GPRIN3: variants seen among roughly 807,000 people sequenced by gnomAD.
GPRIN3 encodes the protein GPRIN family member 3.
A neutral mutation model predicts 13.7 loss-of-function variants in GPRIN3; 12 were observed. That is an observed-to-expected ratio of 0.87 (90% CI 0.56 to 1.42). GPRIN3 has a LOEUF of 1.42. Among genes scored for constraint, GPRIN3 ranks in the 40% most tolerant of loss-of-function variants. The probability of loss-of-function intolerance (pLI) is 0.00; values close to 1 mark genes in which losing one functional copy is unlikely to be tolerated. For missense variants in GPRIN3, 1,009 were observed against 958.7 expected, an observed-to-expected ratio of 1.05 and a Z score of -0.69; for synonymous variants, 377 against 372.7, an observed-to-expected ratio of 1.01 and a Z score of -0.13.
intron 1 of GPRIN3, among the ~76,000 whole-genome samples, chr4:89,283,536 G>A (rs1404994840): frequency 2.0e-5 from 3 of 152,296 alleles, no homozygotes; most frequent in East Asian, 1.9e-4. Flanking sequence ...TCACCTTCAG[G>A]AAGTTCATAT....
rs1722966490 is a variant in GPRIN3 at position 89,242,350 on chromosome 4, C to T, written c.*5430G>A. On this transcript the variant is annotated 3_prime_UTR_variant, in exon 2 of 2. Transcript: ENST00000609438. ...TTTCACAGCTAAAGCTGGTAATCCT[C>T]TGGGCAGAGTTAACTGAATTGCTTT... 6.6e-6 allele frequency: 1 copy of T among 152,162 alleles called. No individual in the cohort carries two copies. Among genetic ancestry groups the T allele is most frequent in the Non-Finnish European group, 1.5e-5 (1 of 68,010 alleles). The allele number at this position is 152,162 out of a possible 1,614,324, so 9.4% of individuals were successfully genotyped here.
At chr4:89,294,534 A>G (rs1724676773) in intron 1 of GPRIN3, among the ~76,000 whole-genome samples, 1 of 152,226 alleles carries the variant, frequency 6.6e-6, no homozygotes, top group Admixed American at 6.5e-5. Flanking sequence ...ATGGTCTTTA[A>G]AGGCAGGGAT....
At chr4:89,285,615 A>G (rs889774290) in intron 1 of GPRIN3, among the ~76,000 whole-genome samples, 3 of 152,210 alleles carry the variant, frequency 2.0e-5, no homozygotes, top group African/African-American at 7.2e-5. Flanking sequence ...CTCAGGCTGC[A>G]TCACAAATAT....
At position 89,248,940 on chromosome 4, in the gene GPRIN3, G is replaced by A; in HGVS notation, c.1171C>T (p.Gln391Ter). Residue 391 changes from glutamine (Q) to a stop codon, truncating the protein, a stop_gained, in exon 2 of 2, where the codon CAG (glutamine) becomes TAG (stop). Coordinates refer to ENST00000609438, the MANE Select transcript of GPRIN3 (RefSeq NM_198281.3). LOFTEE classifies it low-confidence loss of function (END_TRUNC). ...ESSQCPGIMPQVHIQAAAAES... is the reference protein window; with the variant it reads ...ESSQCPGIMP ...GCTGCAGCTGCCTGAATGTGCACCT[G>A]TGGCATGATGCCAGGGCACTGGCTG... 1 of 1,614,202 alleles carries A rather than the reference G, an allele frequency of 6.2e-7. No individual in the cohort carries two copies. Among genetic ancestry groups the A allele is most frequent in the Non-Finnish European group, 8.5e-7 (1 of 1,180,034 alleles).
At chr4:89,266,501 C>T (rs527829510) in intron 1 of GPRIN3, among the ~76,000 whole-genome samples, 27 of 152,288 alleles carry the variant, frequency 1.8e-4, no homozygotes, top group African/African-American at 6.3e-4. Flanking sequence ...AGCATGAGTT[C>T]AGAAAGTGTT....
At chr4:89,270,321 A>AAAC (rs1723897120) in intron 1 of GPRIN3, among the ~76,000 whole-genome samples, 1 of 149,858 alleles carries the variant, frequency 6.7e-6, no homozygotes. Flanking sequence ...CTTTTATGGC[A>AAAC]AAACAAACAA....
chr4:89,289,640 A>T (rs902193384), intron 1 of GPRIN3, among the ~76,000 whole-genome samples: 3 of 152,186 alleles, frequency 2.0e-5, no homozygotes, highest in Admixed American at 6.5e-5. Flanking sequence ...CACAGTGTAG[A>T]AGCAAAGTGG....
chr4:89,295,651 TA>T (rs1458346664), intron 1 of GPRIN3, among the ~76,000 whole-genome samples: 3 of 151,176 alleles, frequency 2.0e-5, no homozygotes, highest in Non-Finnish European at 4.4e-5. Flanking sequence ...AAGCAAGATT[TA>T]AAAAAAAACA....
intron 1 of GPRIN3, among the ~76,000 whole-genome samples, chr4:89,281,184 C>T (rs549200650): frequency 4.6e-5 from 7 of 151,742 alleles, no homozygotes; most frequent in Non-Finnish European, 8.8e-5. Flanking sequence ...AGTGCAATAG[C>T]GTGAACTCAG....
chr4:89,281,030 G>A (rs1387291594), intron 1 of GPRIN3, among the ~76,000 whole-genome samples: 1 of 151,690 alleles, frequency 6.6e-6, no homozygotes, highest in Non-Finnish European at 1.5e-5. Context: ...GAGGCCTCAG[G>A]AAACTTACAG....
chr4:89,274,174 C>T (rs115062519), intron 1 of GPRIN3, among the ~76,000 whole-genome samples: 2,308 of 152,254 alleles, frequency 0.015, 23 homozygotes, highest in Middle Eastern at 0.048. Context: ...TACAGCAACA[C>T]GCCAAATAAA....
Position 89,237,262 on chromosome 4 carries a change from T to G in GPRIN3, c.*10518A>C, listed in dbSNP as rs1263459934. On this transcript the variant is annotated 3_prime_UTR_variant, in exon 2 of 2. Transcript: ENST00000609438. ...TAAGGTAGTTACAAGGGTCTAAACA[T>G]TTTAGAACTCTGTCAATTAGCTCAG... 6.6e-6 allele frequency: 1 copy of G among 152,202 alleles called. No homozygotes were observed. The highest frequency in any genetic ancestry group is 1.5e-5 in the Non-Finnish European group (1 of 68,038). The allele number at this position is 152,202 out of a possible 1,614,324, so 9.4% of individuals were successfully genotyped here.
chr4:89,271,784 T>C (rs1433421679), intron 1 of GPRIN3, among the ~76,000 whole-genome samples: 1 of 151,968 alleles, frequency 6.6e-6, no homozygotes, highest in Admixed American at 6.5e-5. Flanking sequence ...AAGGGTGCAA[T>C]ACACGTCTTG....
rs906828248 is a variant in GPRIN3 at position 89,278,396 on chromosome 4, T to A, written c.-123-28163A>T. Among the ~76,000 whole-genome samples, 11 of 152,342 alleles carry A rather than the reference T, an allele frequency of 7.2e-5. No homozygotes were observed. In the East Asian group the frequency reaches 2.1e-3, roughly 29 times the overall value. On this transcript the variant is annotated intron_variant, in intron 1 of 1. Coordinates refer to ENST00000609438, the MANE Select transcript of GPRIN3 (RefSeq NM_198281.3). ...AGCTTTCGTTCATTTGCCACAGCGA[T>A]AATGACATATTTAAATTCTCCTTCT...
chr4:89,275,777 C>T (rs568979502), intron 1 of GPRIN3, among the ~76,000 whole-genome samples: 13 of 152,190 alleles, frequency 8.5e-5, no homozygotes, highest in Admixed American at 7.9e-4. Context: ...TCCTTGTCCA[C>T]ATCACCAGCA....
At chr4:89,276,782 T>C (rs890496364) in intron 1 of GPRIN3, among the ~76,000 whole-genome samples, 1 of 152,192 alleles carries the variant, frequency 6.6e-6, no homozygotes, top group African/African-American at 2.4e-5. Context: ...CCTACTCTCA[T>C]CTGTGGAGGG....
At chr4:89,268,795 G>A (rs1723850495) in intron 1 of GPRIN3, among the ~76,000 whole-genome samples, 1 of 152,152 alleles carries the variant, frequency 6.6e-6, no homozygotes, top group Admixed American at 6.5e-5. Flanking sequence ...TAGGTAGCTT[G>A]AAATCGGGCC....
chr4:89,295,106 C>T (rs1249129061), intron 1 of GPRIN3, among the ~76,000 whole-genome samples: 7 of 152,168 alleles, frequency 4.6e-5, no homozygotes, highest in African/African-American at 1.7e-4. Flanking sequence ...AACGACTACT[C>T]CAAAACACGA....
intron 1 of GPRIN3, among the ~76,000 whole-genome samples, chr4:89,283,282 C>A (rs1724305859): frequency 6.6e-6 from 1 of 152,156 alleles, no homozygotes; most frequent in Non-Finnish European, 1.5e-5. Context: ...TTCTAGAGAG[C>A]CACAAAGGCT....
Sources: gnomAD v4.1 joint callset for allele counts (sites outside exome capture counted in the v4.1 genomes callset) on GRCh38, gnomAD v4.1.1 for gene constraint, MANE v1.5 for transcripts, NCBI Gene and HGNC (gene_info 2026-07-23, HGNC 2026-07-21) for gene names.